RPS6KC1: variants seen among roughly 807,000 people sequenced by gnomAD.
RPS6KC1 encodes the protein inactive ribosomal protein S6 kinase delta-1.
Under a neutral mutation model 103.8 loss-of-function variants are expected in RPS6KC1, and 54 were observed. That is an observed-to-expected ratio of 0.52 (90% CI 0.42 to 0.65). The LOEUF is 0.65. Among genes scored for constraint, RPS6KC1 ranks in the 30% least tolerant of loss-of-function variants. The probability of loss-of-function intolerance (pLI) is 0.00; values close to 1 mark genes in which losing one functional copy is unlikely to be tolerated. For synonymous variants in RPS6KC1, 439 were observed against 438.7 expected (o/e 1.00, Z -0.01); for missense variants, 1,151 against 1,253.8 (o/e 0.92, Z 1.24).
the RPS6KC1 span, among the ~76,000 whole-genome samples, chr1:213,417,359 T>C: frequency 4.6e-5 from 7 of 152,342 alleles, no homozygotes; most frequent in African/African-American, 1.4e-4. Flanking sequence ...TTTTAGTTTG[T>C]ATAGCGTCTT....
rs780811370 is a variant in RPS6KC1, at chr1:213,232,183, C to A, written c.1153C>A (p.Pro385Thr). 2 of 1,614,018 alleles carry A rather than the reference C, an allele frequency of 1.2e-6. No homozygotes were observed. The highest frequency in any genetic ancestry group is 2.2e-5 in the South Asian group (2 of 91,076). The change falls in exon 10 of 15, where the codon CCC (proline) becomes ACC (threonine). Residue 385 changes from proline to threonine, a missense_variant. Around this residue, in one of 3 missense-constraint regions of RPS6KC1, gnomAD observed 959 missense variants for 1,006.3 expected, o/e 0.95. Coordinates refer to ENST00000366960, the MANE Select transcript of RPS6KC1 (RefSeq NM_012424.6). ...AAAGACCATCATCCCCCGCTGTGTGCCCAACATGGTGTGTCTGCATAAGTA... is the reference window on the plus strand; with the variant it reads ...AAAGACCATCATCCCCCGCTGTGTGACCAACATGGTGTGTCTGCATAAGTA... ...NRKTIIPRCVPNMVCLHKYII... is the reference protein window; with the variant it reads ...NRKTIIPRCVTNMVCLHKYII...
the RPS6KC1 span, among the ~76,000 whole-genome samples, chr1:213,776,377 TTG>T: frequency 1.3e-5 from 2 of 151,910 alleles, no homozygotes; most frequent in Non-Finnish European, 2.9e-5. Context: ...AGAATGGATG[TTG>T]TGTTAGCTGA....
chr1:213,187,400 A>C (rs2092577905), intron 8 of RPS6KC1, among the ~76,000 whole-genome samples: 1 of 151,474 alleles, frequency 6.6e-6, no homozygotes, highest in Admixed American at 6.6e-5. Context: ...ATGCGCCACT[A>C]TGCCTGGATA....
intron 3 of RPS6KC1, among the ~76,000 whole-genome samples, chr1:213,096,863 G>A (rs2148706153): frequency 6.6e-6 from 1 of 152,158 alleles, no homozygotes; most frequent in Admixed American, 6.5e-5. Context: ...GGTAATTGGG[G>A]GTGAGGAAGT....
the RPS6KC1 span, among the ~76,000 whole-genome samples, chr1:213,519,093 A>G: frequency 1.3e-5 from 2 of 152,336 alleles, no homozygotes; most frequent in Admixed American, 6.5e-5. Flanking sequence ...AGTGGGAAAA[A>G]TAACCTATAA....
chr1:213,769,047 GAC>G, the RPS6KC1 span, among the ~76,000 whole-genome samples: 1 of 152,142 alleles, frequency 6.6e-6, no homozygotes, highest in Admixed American at 6.6e-5. Context: ...ACAATATATA[GAC>G]AGAGGGAAAT....
the RPS6KC1 span, among the ~76,000 whole-genome samples, chr1:213,576,947 A>C: frequency 1.3e-5 from 2 of 152,228 alleles, no homozygotes; most frequent in Admixed American, 1.3e-4. Flanking sequence ...CCTTATTGTT[A>C]ATATGGACAA....
intron 8 of RPS6KC1, among the ~76,000 whole-genome samples, chr1:213,181,456 C>A (rs1240378566): frequency 1.3e-5 from 2 of 152,168 alleles, no homozygotes; most frequent in Non-Finnish European, 2.9e-5. Flanking sequence ...AAAATGTAGG[C>A]ATTTCTATTC....
the RPS6KC1 span, among the ~76,000 whole-genome samples, chr1:213,813,134 C>T: frequency 6.6e-6 from 1 of 151,878 alleles, no homozygotes; most frequent in Admixed American, 6.6e-5. Context: ...AACTGTAGTC[C>T]CAGCTACTTG....
chr1:213,523,957 A>G, the RPS6KC1 span, among the ~76,000 whole-genome samples: 3 of 152,182 alleles, frequency 2.0e-5, no homozygotes, highest in South Asian at 4.1e-4. Flanking sequence ...CGGCTTGTCT[A>G]ACACCCCTGA....
At chr1:213,151,838 C>T (rs1197226978) in intron 6 of RPS6KC1, among the ~76,000 whole-genome samples, 1 of 131,674 alleles carries the variant, frequency 7.6e-6, no homozygotes, top group Non-Finnish European at 1.7e-5. Flanking sequence ...GGCTGACCCC[C>T]CCACCTCCCT....
chr1:213,306,887 G>A, the RPS6KC1 span, among the ~76,000 whole-genome samples: 2 of 152,116 alleles, frequency 1.3e-5, no homozygotes, highest in African/African-American at 2.4e-5. Context: ...GTCGTGGGAC[G>A]TCTGCATGTG....
the RPS6KC1 span, among the ~76,000 whole-genome samples, chr1:213,284,256 C>T: frequency 1.3e-5 from 2 of 152,204 alleles, no homozygotes; most frequent in African/African-American, 4.8e-5. Flanking sequence ...CTGGCCCATG[C>T]CTGTAATACC....
the RPS6KC1 span, among the ~76,000 whole-genome samples, chr1:213,523,686 G>T: frequency 1.3e-5 from 2 of 152,162 alleles, no homozygotes; most frequent in Non-Finnish European, 2.9e-5. Flanking sequence ...TTTAGTGGGG[G>T]TTACAGAAAT....
At chr1:213,833,476 C>T in the RPS6KC1 span, among the ~76,000 whole-genome samples, 1 of 152,164 alleles carries the variant, frequency 6.6e-6, no homozygotes, top group African/African-American at 2.4e-5. Context: ...AAAGACCTCA[C>T]CCATGGATGA....
the RPS6KC1 span, among the ~76,000 whole-genome samples, chr1:213,294,002 G>A: frequency 6.6e-6 from 1 of 152,120 alleles, no homozygotes; most frequent in African/African-American, 2.4e-5. Flanking sequence ...TTTATACTGA[G>A]CTTGAAATTG....
At chr1:213,714,900 A>G in the RPS6KC1 span, among the ~76,000 whole-genome samples, 31 of 152,264 alleles carry the variant, frequency 2.0e-4, no homozygotes, top group African/African-American at 7.0e-4. Flanking sequence ...GCAGCTCTGT[A>G]TGGTGGGAGG....
At chr1:213,294,596 TTACCAGA>T in the RPS6KC1 span, among the ~76,000 whole-genome samples, 1 of 152,124 alleles carries the variant, frequency 6.6e-6, no homozygotes, top group Non-Finnish European at 1.5e-5. Flanking sequence ...ATTAAAAGAA[TTACCAGA>T]AGGCCTTGGA....
At chr1:213,485,574 A>G in the RPS6KC1 span, among the ~76,000 whole-genome samples, 1 of 152,194 alleles carries the variant, frequency 6.6e-6, no homozygotes, top group Non-Finnish European at 1.5e-5. Context: ...TGTATTACCT[A>G]AAACACATTT....
Sources: gnomAD v4.1 joint callset for allele counts (sites outside exome capture counted in the v4.1 genomes callset) on GRCh38, gnomAD v4.1.1 for gene constraint, gnomAD v4.1.1 regional missense constraint, MANE v1.5 for transcripts, NCBI Gene and HGNC (gene_info 2026-07-23, HGNC 2026-07-21) for gene names.